Variants in HMCN2 observed in about 807,000 individuals in gnomAD.
HMCN2 encodes the protein hemicentin-2.
Under a neutral mutation model 377.5 loss-of-function variants are expected in HMCN2, and 325 were observed. That is an observed-to-expected ratio of 0.86 (90% CI 0.79 to 0.94). The LOEUF (loss-of-function observed/expected upper bound fraction) is 0.94. Among genes scored for constraint, HMCN2 ranks in the 40% least tolerant of loss-of-function variants. The pLI, the probability that HMCN2 is intolerant of heterozygous loss-of-function variation, is 0.00. For missense variants in HMCN2, 4,543 were observed against 4,725.3 expected, an observed-to-expected ratio of 0.96 and a Z score of 1.13; for synonymous variants, 2,007 against 2,046.8, an observed-to-expected ratio of 0.98 and a Z score of 0.53.
chr9:130,374,798 C>A, intron 49 of HMCN2, 105 bp downstream of exon 49: 1 of 471,814 alleles, frequency 2.1e-6, no homozygotes, highest in Non-Finnish European at 2.8e-6. Flanking sequence ...TACTATTTTT[C>A]TTCTAATTCT....
intron 75 of HMCN2, among the ~76,000 whole-genome samples, chr9:130,399,269 A>AG (rs1329519234): frequency 6.6e-6 from 1 of 151,800 alleles, no homozygotes; most frequent in Non-Finnish European, 1.5e-5. Context: ...AAAAAAAAAA[A>AG]AGAATGTCCA....
intron 60 of HMCN2, among the ~76,000 whole-genome samples, chr9:130,386,148 G>T (rs115503950): frequency 6.6e-6 from 1 of 152,072 alleles, no homozygotes; most frequent in South Asian, 2.1e-4. Flanking sequence ...TGTCCCCCTC[G>T]AAATCCATTC....
In HMCN2 at chr9:130,365,444, C is replaced by G. The variant is rs376771546; in HGVS notation, c.6409-187C>G. Among the ~76,000 whole-genome samples the G allele has an allele frequency of 4.6e-4, 70 of 152,354 alleles. 1 individual carries two copies. The South Asian group carries it at 0.013, about 28-fold the overall frequency. On this transcript the variant is annotated intron_variant, in intron 41 of 97. Transcript: ENST00000683500. Reference sequence around the variant, plus strand: ...TCGAGGGGGCCCTTCTCAGGCCCACCACAGGCACGTGCTTCTGGAAACTTC... The same window carrying G: ...TCGAGGGGGCCCTTCTCAGGCCCACGACAGGCACGTGCTTCTGGAAACTTC...
At chr9:130,397,796 T>A (rs977112075) in intron 74 of HMCN2, 141 bp downstream of exon 74, 1 of 716,064 alleles carries the variant, frequency 1.4e-6, no homozygotes, top group African/African-American at 1.9e-5. Context: ...TAGTAAAAAG[T>A]TGTGATCATG....
At chr9:130,310,639 C>T (rs2131366259) in intron 15 of HMCN2, among the ~76,000 whole-genome samples, 1 of 151,434 alleles carries the variant, frequency 6.6e-6, no homozygotes, top group African/African-American at 2.4e-5. Context: ...TGGGTGTGAA[C>T]ACCAGGAGGC....
chr9:130,300,778 G>T (rs1332413170), intron 8 of HMCN2, among the ~76,000 whole-genome samples: 1 of 152,204 alleles, frequency 6.6e-6, no homozygotes, highest in African/African-American at 2.4e-5. Flanking sequence ...CTGGTTTCCT[G>T]TGTGTCCCTG....
At chr9:130,327,287 G>C (rs1416625754) in intron 21 of HMCN2, 23 bp from the exon 22 acceptor site, 1 of 152,400 alleles carries the variant, frequency 6.6e-6, no homozygotes, top group Non-Finnish European at 1.5e-5. Context: ...CCTGCTGACA[G>C]GCCCTGCTTA....
intron 31 of HMCN2, 70 bp downstream of exon 31, chr9:130,353,275 G>T: frequency 8.0e-7 from 1 of 1,252,188 alleles, no homozygotes. Flanking sequence ...GCCCCTGCCT[G>T]TCTCCAAAGG....
At chr9:130,400,097 G>A (rs980498766) in intron 76 of HMCN2, among the ~76,000 whole-genome samples, 4 of 152,140 alleles carry the variant, frequency 2.6e-5, no homozygotes, top group East Asian at 1.9e-4. Context: ...TGCCTTTGCC[G>A]GGAACACTCT....
In HMCN2 at chr9:130,330,607, C is replaced by A. The variant is rs996100776; in HGVS notation, c.3359+3132C>A. ...TGAACTCCTAGGTATCTTCGACCCC[C>A]CCAAGTCAGCAAGTGCTCACAGAGG... On this transcript the variant is annotated intron_variant, in intron 22 of 97. Transcript: ENST00000683500. Among the ~76,000 whole-genome samples, 10 of 152,218 alleles carry A rather than the reference C, an allele frequency of 6.6e-5. No homozygotes were observed. The East Asian group carries it at 1.9e-3, about 29-fold the overall frequency.
intron 1 of HMCN2, among the ~76,000 whole-genome samples, chr9:130,283,159 C>G (rs1364195319): frequency 6.6e-6 from 1 of 152,158 alleles, no homozygotes; most frequent in Non-Finnish European, 1.5e-5. Context: ...CGACCTTACA[C>G]AATCCCCACT....
rs770952928 is a variant in HMCN2, at chr9:130,359,332, C to T, written c.5691C>T (p.Ile1897=). Residue 1897 remains isoleucine (I), a synonymous_variant, in exon 37 of 98, where the codon ATC becomes ATT. Transcript: ENST00000683500. ...GTCTCCCCCTAGTGCCCCCCAACAT[C>T]GAGCCAGGCCCAGTCAACAAGGCAG... The part of the protein sequence containing the change: ...VALKVLVPPN[I]EPGPVNKAVL... 1.1e-5 allele frequency: 14 copies of T among 1,303,094 alleles called. No individual in the cohort carries two copies. The highest frequency in any genetic ancestry group is 2.5e-5 in the South Asian group (2 of 80,944). 80.7% of individuals were successfully genotyped at this position (1,303,094 alleles called of 1,614,324 possible).
chr9:130,395,796 C>T (rs972620937), intron 71 of HMCN2, 128 bp from the exon 72 acceptor site: 11 of 996,794 alleles, frequency 1.1e-5, no homozygotes, highest in Non-Finnish European at 1.2e-5. Context: ...TCAGGGCCTG[C>T]GGTCAGCCTG....
intron 40 of HMCN2, among the ~76,000 whole-genome samples, chr9:130,363,832 AAAGAAAG>A (rs1269628177): frequency 6.6e-6 from 1 of 150,552 alleles, no homozygotes; most frequent in African/African-American, 2.4e-5. Flanking sequence ...AAAAAAAAAA[AAAGAAAG>A]AAAGAGAGAA....
rs1487081952 is a variant in HMCN2 at position 130,325,900 on chromosome 9, A to AG, written c.3127dup (p.Ala1043GlyfsTer14). 3 of 152,328 alleles carry AG rather than the reference A, an allele frequency of 2.0e-5. No individual in the cohort carries two copies. In the East Asian group the frequency reaches 5.8e-4, roughly 29 times the overall value. 9.4% of individuals were successfully genotyped at this position (152,328 alleles called of 1,614,324 possible). A position where few individuals can be genotyped will look rare whatever the true frequency, so the allele number is the denominator to read the frequency against. On this transcript the variant is annotated frameshift_variant, in exon 21 of 98. Transcript: ENST00000683500. LOFTEE classifies it high-confidence loss of function. ...TCGCCCAGCCGTCTGCCCAGGACGCAGGGGCCTACGTCTGCACGGCCACCA... is the reference window on the plus strand; with the variant it reads ...TCGCCCAGCCGTCTGCCCAGGACGCAGGGGGCCTACGTCTGCACGGCCACCA...
Position 130,321,090 on chromosome 9 carries a change from A to G in HMCN2, c.2775+187A>G, listed in dbSNP as rs1021033976. On this transcript the variant is annotated intron_variant, in intron 18 of 97. Coordinates refer to ENST00000683500, the MANE Select transcript of HMCN2 (RefSeq NM_001291815.2). Reference sequence around the variant, plus strand: ...GCACTGATGGTGTTTGTTGCCCTCTAAAGTCCCGCCGGCTGTCAGATGGGT... The same window carrying G: ...GCACTGATGGTGTTTGTTGCCCTCTGAAGTCCCGCCGGCTGTCAGATGGGT... Among the ~76,000 whole-genome samples, 7 of 152,222 alleles carry G rather than the reference A, an allele frequency of 4.6e-5. No homozygotes were observed. The South Asian group carries it at 1.0e-3, about 23-fold the overall frequency.
Position 130,377,765 on chromosome 9 carries a change from C to T in HMCN2, c.8178C>T (p.Gly2726=), listed in dbSNP as rs890644306. The change falls in exon 53 of 98, where the codon GGC becomes GGT. Residue 2726 remains glycine, a synonymous_variant. Transcript: ENST00000683500. Reference sequence around the variant, plus strand: ...TGTGTGTGGCCACCAATGTGGCTGGCGAGGACGACCAGGACTTCAACGTGC... The same window carrying T: ...TGTGTGTGGCCACCAATGTGGCTGGTGAGGACGACCAGGACTTCAACGTGC... ...RYLCVATNVA[G]EDDQDFNVLI... 26 of 985,834 alleles carry T rather than the reference C, an allele frequency of 2.6e-5. No individual in the cohort carries two copies. The highest frequency in any genetic ancestry group is 7.0e-5 in the African/African-American group (4 of 57,256). The allele number at this position is 985,834 out of a possible 1,614,324, so 61.1% of individuals were successfully genotyped here. A position where few individuals can be genotyped will look rare whatever the true frequency, so the allele number is the denominator to read the frequency against.
chr9:130,351,535 C>T lies in HMCN2; in HGVS notation c.4543C>T (p.Pro1515Ser). 1 of 1,304,222 alleles carries T rather than the reference C, an allele frequency of 7.7e-7. No individual in the cohort carries two copies. Among genetic ancestry groups the T allele is most frequent in the Non-Finnish European group, 1.0e-6 (1 of 988,922 alleles). 80.8% of individuals were successfully genotyped at this position (1,304,222 alleles called of 1,614,324 possible). The change falls in exon 30 of 98, where the codon CCA (proline) becomes TCA (serine). Residue 1515 changes from proline to serine, a missense_variant. Coordinates refer to ENST00000683500, the MANE Select transcript of HMCN2 (RefSeq NM_001291815.2). This position sits in a 1 kb window ranked among gnomAD's most constrained non-coding sequence, Gnocchi z 5.4. The stretch of plus-strand genomic sequence containing the variant: ...ACGATACCAGTGCGTGGCCTTCAGC[C>T]CAGCTGGTCAGCAGGCCAGGGACTT... ...EGRYQCVAFS[P>S]AGQQARDFQL...
intron 97 of HMCN2, chr9:130,433,064 G>C (rs1278310406): frequency 2.3e-6 from 1 of 439,152 alleles, no homozygotes; most frequent in African/African-American, 2.1e-5. Flanking sequence ...GGGGCACATC[G>C]CTCCCCTGTG....
Sources: gnomAD v4.1 joint callset for allele counts (sites outside exome capture counted in the v4.1 genomes callset) on GRCh38, gnomAD v4.1.1 for gene constraint, Gnocchi (gnomAD v3.1) non-coding constraint, MANE v1.5 for transcripts, NCBI Gene and HGNC (gene_info 2026-07-23, HGNC 2026-07-21) for gene names.